The following CNTN5 variants were observed in gnomAD, a reference collection of about 807,000 sequenced individuals.
CNTN5 encodes the protein contactin-5.
In CNTN5, 77 loss-of-function variants were observed where a neutral mutation model predicts 129.1. That is an observed-to-expected ratio of 0.60 (90% CI 0.50 to 0.72). The LOEUF is 0.72. Among genes scored for constraint, CNTN5 ranks in the 30% least tolerant of loss-of-function variants. The pLI, the probability that CNTN5 is intolerant of heterozygous loss-of-function variation, is 0.00. For synonymous variants in CNTN5, 509 were observed against 465.6 expected, an observed-to-expected ratio of 1.09 and a Z score of -1.20; for missense variants, 1,478 against 1,328.8, an observed-to-expected ratio of 1.11 and a Z score of -1.75.
chr11:99,128,259 G>C (rs1858746861), intron 1 of CNTN5, among the ~76,000 whole-genome samples: 1 of 152,244 alleles, frequency 6.6e-6, no homozygotes, highest in Admixed American at 6.5e-5. Context: ...TGGTGGGAGG[G>C]GTGACCGCCA....
At chr11:99,344,618 A>G (rs1591549674) in intron 2 of CNTN5, among the ~76,000 whole-genome samples, 1 of 152,342 alleles carries the variant, frequency 6.6e-6, no homozygotes, top group East Asian at 1.9e-4. Context: ...CATATAAATA[A>G]GAGCAAAATA....
chr11:100,092,188 C>T (rs1373251603), intron 13 of CNTN5, among the ~76,000 whole-genome samples: 1 of 151,966 alleles, frequency 6.6e-6, no homozygotes, highest in Non-Finnish European at 1.5e-5. Flanking sequence ...ATTAACTAAG[C>T]TGAGTTGGAT....
intron 2 of CNTN5, among the ~76,000 whole-genome samples, chr11:99,537,340 A>G (rs1947938977): frequency 6.6e-6 from 1 of 152,166 alleles, no homozygotes; most frequent in Non-Finnish European, 1.5e-5. Context: ...GTTAGGTAAA[A>G]TCCTAAAAGA....
At chr11:99,317,491 C>T (rs1031997234) in intron 1 of CNTN5, among the ~76,000 whole-genome samples, 1 of 151,498 alleles carries the variant, frequency 6.6e-6, no homozygotes, top group African/African-American at 2.4e-5. Flanking sequence ...CGAGTTCAGA[C>T]GATAAAGGGT....
intron 2 of CNTN5, among the ~76,000 whole-genome samples, chr11:99,528,864 G>T (rs1168012512): frequency 6.6e-6 from 1 of 150,584 alleles, no homozygotes; most frequent in Admixed American, 6.6e-5. Flanking sequence ...AGGAGTTCGA[G>T]AACAGCCTGA....
At chr11:100,350,965 C>A in intron 24 of CNTN5, 95 bp downstream of exon 24, 2 of 960,808 alleles carry the variant, frequency 2.1e-6, no homozygotes, top group South Asian at 2.2e-5. Context: ...TTTCATGGTT[C>A]AGAGATTTTG....
At chr11:99,650,141 A>G (rs937538981) in intron 3 of CNTN5, among the ~76,000 whole-genome samples, 1 of 151,914 alleles carries the variant, frequency 6.6e-6, no homozygotes, top group African/African-American at 2.4e-5. Context: ...TTTGGTATGG[A>G]ACATTATTAC....
chr11:100,103,688 G>C (rs1284130632), intron 13 of CNTN5, among the ~76,000 whole-genome samples: 3 of 152,152 alleles, frequency 2.0e-5, no homozygotes, highest in Admixed American at 6.6e-5. Flanking sequence ...GTACAGGGTT[G>C]AAGAGAAGAA....
intron 3 of CNTN5, among the ~76,000 whole-genome samples, chr11:99,746,208 C>T (rs557673413): frequency 5.9e-5 from 9 of 152,272 alleles, no homozygotes; most frequent in African/African-American, 1.9e-4. Flanking sequence ...TTTACAATTT[C>T]AGGACTTCCA....
rs528514554 is a variant in CNTN5 at position 99,761,532 on chromosome 11, T to C, written c.56-58012T>C. On this transcript the variant is annotated intron_variant, in intron 3 of 24. Transcript: ENST00000524871. ...TATGCGGTGTTTGGTTTTTTGTTCTTGCGATAGTTTACTGAGAATGATGAT... is the reference window on the plus strand; with the variant it reads ...TATGCGGTGTTTGGTTTTTTGTTCTCGCGATAGTTTACTGAGAATGATGAT... Among the ~76,000 whole-genome samples the C allele has an allele frequency of 1.4e-3, 211 of 151,844 alleles. 1 individual carries two copies. Among genetic ancestry groups the C allele is most frequent in the African/African-American group, 5.0e-3 (206 of 41,438 alleles).
intron 3 of CNTN5, among the ~76,000 whole-genome samples, chr11:99,647,098 T>G (rs1951993147): frequency 6.6e-6 from 1 of 152,128 alleles, no homozygotes; most frequent in African/African-American, 2.4e-5. Flanking sequence ...TCATCACATC[T>G]TTTTCACAGA....
chr11:100,326,890 C>G (rs1465852841), intron 21 of CNTN5, among the ~76,000 whole-genome samples: 1 of 152,068 alleles, frequency 6.6e-6, no homozygotes, highest in Admixed American at 6.6e-5. Flanking sequence ...CACTGGGCAC[C>G]AAAAGCTCAA....
intron 10 of CNTN5, among the ~76,000 whole-genome samples, chr11:100,065,552 C>T (rs974374381): frequency 3.3e-5 from 5 of 151,994 alleles, no homozygotes; most frequent in African/African-American, 1.2e-4. Flanking sequence ...TCCCATTTGA[C>T]AGACAAGAAA....
At chr11:99,999,018 A>C (rs967701219) in intron 8 of CNTN5, among the ~76,000 whole-genome samples, 8 of 152,176 alleles carry the variant, frequency 5.3e-5, no homozygotes, top group Admixed American at 2.6e-4. Flanking sequence ...AGATGGAATA[A>C]ATACTTAAAC....
chr11:99,187,794 G>A (rs535170899), intron 1 of CNTN5, among the ~76,000 whole-genome samples: 88 of 151,510 alleles, frequency 5.8e-4, no homozygotes, highest in Middle Eastern at 3.7e-3. Flanking sequence ...AGTTTTTTGG[G>A]ACTTTTTACC....
intron 1 of CNTN5, among the ~76,000 whole-genome samples, chr11:99,295,423 TA>T (rs1415793826): frequency 6.6e-6 from 1 of 152,260 alleles, no homozygotes; most frequent in African/African-American, 2.4e-5. Flanking sequence ...TGATAGCCTT[TA>T]AAGTAGAATT....
chr11:100,227,127 A>G (rs1949392666), intron 16 of CNTN5, among the ~76,000 whole-genome samples: 1 of 152,136 alleles, frequency 6.6e-6, no homozygotes, highest in African/African-American at 2.4e-5. Context: ...CACTTTGCTC[A>G]ATGTCTTCAT....
chr11:100,123,353 T>C (rs1483484125), intron 13 of CNTN5, among the ~76,000 whole-genome samples: 4 of 152,152 alleles, frequency 2.6e-5, no homozygotes, highest in African/African-American at 9.6e-5. Flanking sequence ...TAATATTCCA[T>C]GCAGAAAGAG....
intron 2 of CNTN5, among the ~76,000 whole-genome samples, chr11:99,439,728 A>G (rs1043290702): frequency 2.1e-5 from 3 of 145,164 alleles, no homozygotes; most frequent in African/African-American, 7.6e-5. Flanking sequence ...AAAAAAAAGA[A>G]AAAGAAAAAA....
Sources: allele counts gnomAD v4.1 joint callset (sites outside exome capture counted in the v4.1 genomes callset), GRCh38; gene constraint gnomAD v4.1.1; transcripts MANE v1.5; gene names NCBI Gene and HGNC (gene_info 2026-07-23, HGNC 2026-07-21).